The following NRTN variants were observed in gnomAD, a reference collection of about 807,000 sequenced individuals.
NRTN encodes the protein neurturin.
Under a neutral mutation model 7.5 loss-of-function variants are expected in NRTN, and 3 were observed. The ratio of observed to expected loss-of-function variants is 0.40; its 90% confidence interval spans 0.18 to 1.03. The LOEUF is 1.03. Ranked by LOEUF, NRTN falls within the 50% of genes least tolerant of loss-of-function variation. NRTN has a pLI of 0.34. For synonymous variants in NRTN, 157 were observed against 146.6 expected (o/e 1.07, Z -0.51); for missense variants, 310 against 307.0 (o/e 1.01, Z -0.07).
Position 5,827,726 on chromosome 19 carries a change from C to T in NRTN, c.170-23C>T, listed in dbSNP as rs764567104. On this transcript the variant is annotated intron_variant, in intron 2 of 2. Coordinates refer to ENST00000303212, the MANE Select transcript of NRTN (RefSeq NM_004558.5). ...CCCCCTGCACCCACTGACCCCCCCT[C>T]CTTTCTCTTCCTCCCCTCGCAGACC... 1.7e-5 allele frequency: 20 copies of T among 1,164,004 alleles called. No individual in the cohort carries two copies. The African/African-American group carries it at 2.8e-4, about 16-fold the overall frequency. 72.1% of individuals were successfully genotyped at this position (1,164,004 alleles called of 1,614,324 possible).
At chr19:5,822,558 C>T (rs12461602) in intron 1 of NRTN, among the ~76,000 whole-genome samples, 1 of 152,188 alleles carries the variant, frequency 6.6e-6, no homozygotes, top group East Asian at 1.9e-4. Context: ...CAGGCACTCA[C>T]AGCACCAAGT....
chr19:5,813,806 C>G (rs548854000), intron 1 of NRTN, among the ~76,000 whole-genome samples: 1 of 152,030 alleles, frequency 6.6e-6, no homozygotes, highest in South Asian at 2.1e-4. Context: ...CACTGCTGCA[C>G]TCCAACCTGT....
Position 5,828,105 on chromosome 19 carries a change from T to A in NRTN, c.526T>A (p.Phe176Ile). The A allele has an allele frequency of 6.7e-7, 1 of 1,501,352 alleles. No homozygotes were observed. The highest frequency in any genetic ancestry group is 8.8e-7 in the Non-Finnish European group (1 of 1,132,768). 93.0% of individuals were successfully genotyped at this position (1,501,352 alleles called of 1,614,324 possible). ...GACGGCCTACGAGGACGAGGTGTCC[T>A]TCCTGGACGCGCACAGCCGCTACCA... ...RPTAYEDEVS[F>I]LDAHSRYHTV... The change falls in exon 3 of 3, where the codon TTC becomes ATC. Residue 176 changes from phenylalanine to isoleucine, a missense_variant. By Grantham distance (21) the Phe-to-Ile change is conservative. Coordinates refer to ENST00000303212, the MANE Select transcript of NRTN (RefSeq NM_004558.5).
rs1426362746 is a variant in NRTN at position 5,806,416 on chromosome 19, C to A, written c.-399+965C>A. ...GAGGCCGGACCCCTGACTTTCCTCCCTCTTGCCTGTCTCCCCTGCCCTTTC... is the reference window on the plus strand; with the variant it reads ...GAGGCCGGACCCCTGACTTTCCTCCATCTTGCCTGTCTCCCCTGCCCTTTC... On this transcript the variant is annotated intron_variant, in intron 1 of 2. Transcript: ENST00000303212. The surrounding 1 kb of genome is among the most constrained non-coding windows in gnomAD (Gnocchi z 5.4). Among the ~76,000 whole-genome samples, 1 of 152,138 alleles carries A rather than the reference C, an allele frequency of 6.6e-6. No individual in the cohort carries two copies. Among genetic ancestry groups the A allele is most frequent in the Non-Finnish European group, 1.5e-5 (1 of 68,000 alleles).
chr19:5,817,605 GGAGA>G lies in NRTN; in HGVS notation c.-398-6154_-398-6151del, dbSNP rs554731734. ...GAGGGAAAGAGAGGAAGGAAGGGAG[GGAGA>G]GAGAGAGAAAGAAAAAGAAGAAGGC... On this transcript the variant is annotated intron_variant, in intron 1 of 2. Transcript: ENST00000303212. Among the ~76,000 whole-genome samples the G allele has an allele frequency of 1.3e-3, 190 of 141,062 alleles. 1 individual carries two copies. The highest frequency in any genetic ancestry group is 7.0e-3 in the Middle Eastern group (2 of 284). The allele number at this position is 141,062 out of a possible 152,430, so 92.5% of individuals were successfully genotyped here.
chr19:5,810,409 G>A (rs953531252), intron 1 of NRTN, among the ~76,000 whole-genome samples: 6 of 151,856 alleles, frequency 4.0e-5, no homozygotes, highest in African/African-American at 1.4e-4. Context: ...CACCACAACC[G>A]GCCTCAGCTG....
intron 1 of NRTN, among the ~76,000 whole-genome samples, chr19:5,820,971 G>A (rs902798764): frequency 2.0e-5 from 3 of 151,888 alleles, no homozygotes; most frequent in Non-Finnish European, 2.9e-5. Flanking sequence ...CCTCCAACAC[G>A]CCACGTGTGG....
chr19:5,810,715 C>T (rs1004484201), intron 1 of NRTN, among the ~76,000 whole-genome samples: 1 of 151,864 alleles, frequency 6.6e-6, no homozygotes, highest in African/African-American at 2.4e-5. Context: ...GGGCGGATCA[C>T]GAGGTCAGAT....
At chr19:5,816,025 G>A (rs562744806) in intron 1 of NRTN, among the ~76,000 whole-genome samples, 4 of 152,222 alleles carry the variant, frequency 2.6e-5, no homozygotes, top group Non-Finnish European at 4.4e-5. Flanking sequence ...GATTACAGGC[G>A]TGAGCCACTG....
chr19:5,811,051 A>G (rs111850522), intron 1 of NRTN, among the ~76,000 whole-genome samples: 3,080 of 152,140 alleles, frequency 0.02, 104 homozygotes, highest in African/African-American at 0.068. Flanking sequence ...AGCCTGGCCA[A>G]CATGGTGAAA....
intron 1 of NRTN, among the ~76,000 whole-genome samples, chr19:5,822,951 G>C (rs888033850): frequency 6.6e-6 from 1 of 151,994 alleles, no homozygotes; most frequent in Non-Finnish European, 1.5e-5. Flanking sequence ...TTGAGCCTAG[G>C]AGGTGGAGGC....
intron 1 of NRTN, among the ~76,000 whole-genome samples, chr19:5,816,225 C>T (rs2057004790): frequency 1.3e-5 from 2 of 151,874 alleles, no homozygotes; most frequent in South Asian, 2.1e-4. Flanking sequence ...TTTCTGCTAA[C>T]GTCCTTTCTC....
rs927410522 is a variant in NRTN, at chr19:5,806,091, C to T, written c.-399+640C>T. ...AGGGCAAAGCCTGGATGTGAAGTGG[C>T]GGGAGGCTGTGCCTGCCTTTCCTGC... On this transcript the variant is annotated intron_variant, in intron 1 of 2. Transcript: ENST00000303212. The surrounding 1 kb of genome is among the most constrained non-coding windows in gnomAD (Gnocchi z 5.4). Among the ~76,000 whole-genome samples the T allele has an allele frequency of 6.6e-6, 1 of 152,130 alleles. No individual in the cohort carries two copies. Among genetic ancestry groups the T allele is most frequent in the African/African-American group, 2.4e-5 (1 of 41,426 alleles).
At chr19:5,814,018 T>C (rs939619807) in intron 1 of NRTN, among the ~76,000 whole-genome samples, 2 of 151,688 alleles carry the variant, frequency 1.3e-5, no homozygotes, top group African/African-American at 4.8e-5. Flanking sequence ...AAAAAATATA[T>C]ATATATATGG....
chr19:5,806,990 C>T lies in NRTN; in HGVS notation c.-399+1539C>T, dbSNP rs776886603. Among the ~76,000 whole-genome samples, 3 of 152,152 alleles carry T rather than the reference C, an allele frequency of 2.0e-5. No homozygotes were observed. The highest frequency in any genetic ancestry group is 6.6e-5 in the Admixed American group (1 of 15,266). The stretch of plus-strand genomic sequence containing the variant: ...GTCCTTCAAGGGAGGCAGATTTAGA[C>T]CCAGGGACACAGGGCTGGGGAAGCT... On this transcript the variant is annotated intron_variant, in intron 1 of 2. Transcript: ENST00000303212. The surrounding 1 kb of genome is among the most constrained non-coding windows in gnomAD (Gnocchi z 5.4).
chr19:5,814,216 T>A (rs1212167265), intron 1 of NRTN, among the ~76,000 whole-genome samples: 2 of 151,544 alleles, frequency 1.3e-5, no homozygotes, highest in African/African-American at 4.9e-5. Flanking sequence ...CTCTAGAAAC[T>A]CCCATCCAGC....
At position 5,823,759 on chromosome 19, in the gene NRTN, G is replaced by A. The variant is rs2057034475; in HGVS notation, c.-398-9G>A. ...TCTCCTCCTTTCACTCTTCCCCCTG[G>A]CTCCTCAGCTGCAGCCGCTCCGGCC... On this transcript the variant is annotated splice_polypyrimidine_tract_variant and intron_variant, in intron 1 of 2. Transcript: ENST00000303212. 2 of 328,806 alleles carry A rather than the reference G, an allele frequency of 6.1e-6. No individual in the cohort carries two copies. Among genetic ancestry groups the A allele is most frequent in the Non-Finnish European group, 1.2e-5 (2 of 172,034 alleles). The allele number at this position is 328,806 out of a possible 1,614,324, so 20.4% of individuals were successfully genotyped here. A position where few individuals can be genotyped will look rare whatever the true frequency, so the allele number is the denominator to read the frequency against.
At chr19:5,810,284 A>AT (rs1555733911) in intron 1 of NRTN, among the ~76,000 whole-genome samples, 31 of 147,608 alleles carry the variant, frequency 2.1e-4, no homozygotes, top group African/African-American at 4.3e-4. Context: ...AAAAAAAAAA[A>AT]TTTTTTTTTG....
Position 5,824,071 on chromosome 19 carries a change from C to T in NRTN, c.-95C>T. The T allele has an allele frequency of 1.3e-6, 2 of 1,507,748 alleles. No homozygotes were observed. Among genetic ancestry groups the T allele is most frequent in the South Asian group, 2.3e-5 (2 of 88,730 alleles). 93.4% of individuals were successfully genotyped at this position (1,507,748 alleles called of 1,614,324 possible). On this transcript the variant is annotated 5_prime_UTR_variant, in exon 2 of 3. Transcript: ENST00000303212. Reference sequence around the variant, plus strand: ...TCGGCAGGCGTTCAAAGTCAAAGGCCCCACACTGAGTCCTGGCCCAGCGCC... The same window carrying T: ...TCGGCAGGCGTTCAAAGTCAAAGGCTCCACACTGAGTCCTGGCCCAGCGCC...
Sources: allele counts gnomAD v4.1 joint callset (sites outside exome capture counted in the v4.1 genomes callset), GRCh38; gene constraint gnomAD v4.1.1; non-coding constraint Gnocchi (gnomAD v3.1); transcripts MANE v1.5; gene names NCBI Gene and HGNC (gene_info 2026-07-23, HGNC 2026-07-21).